FOXN3: variants seen among roughly 807,000 people sequenced by gnomAD.
The protein encoded by FOXN3 is forkhead box N3, also known as forkhead box protein N3.
Under a neutral mutation model 38.4 loss-of-function variants are expected in FOXN3, and 7 were observed. The ratio of observed to expected loss-of-function variants is 0.18; its 90% confidence interval spans 0.10 to 0.34. FOXN3 has a LOEUF of 0.34. Among genes scored for constraint, FOXN3 ranks in the 10% least tolerant of loss-of-function variants. FOXN3 has a pLI of 1.00. For synonymous variants in FOXN3, 230 were observed against 242.2 expected (o/e 0.95, Z 0.47); for missense variants, 456 against 613.4 (o/e 0.74, Z 2.71).
chr14:89,439,564 CT>C (rs947466095), intron 1 of FOXN3, among the ~76,000 whole-genome samples: 2 of 151,970 alleles, frequency 1.3e-5, no homozygotes, highest in Non-Finnish European at 2.9e-5. Flanking sequence ...TAATCCACAT[CT>C]TGTTTAGCAT....
rs183168043 is a variant in FOXN3 at position 89,515,919 on chromosome 14, C to T, written c.-15+103109G>A. 2.3e-3 allele frequency among the ~76,000 whole-genome samples: 357 copies of T among 152,280 alleles called. 2 individuals carry two copies. Among genetic ancestry groups the T allele is most frequent in the African/African-American group, 8.3e-3 (345 of 41,550 alleles). On this transcript the variant is annotated intron_variant, in intron 1 of 6. Coordinates refer to the FOXN3 transcript ENST00000345097. ...AGCATGTAAAGTACCATCATTGTGACGGTGTGGTTGCCTCTGGAACCCAGG... is the reference window on the plus strand; with the variant it reads ...AGCATGTAAAGTACCATCATTGTGATGGTGTGGTTGCCTCTGGAACCCAGG...
intron 3 of FOXN3, among the ~76,000 whole-genome samples, chr14:89,343,531 T>C (rs1389230491): frequency 6.7e-6 from 1 of 149,928 alleles, no homozygotes; most frequent in African/African-American, 2.4e-5. Context: ...GGCAGGATAA[T>C]AGAACTTGCT....
At chr14:89,236,893 A>G (rs745588026) in intron 4 of FOXN3, among the ~76,000 whole-genome samples, 9 of 152,192 alleles carry the variant, frequency 5.9e-5, no homozygotes, top group Non-Finnish European at 1.3e-4. Flanking sequence ...AATTCCAGCC[A>G]CATGTACCCC....
At chr14:89,357,166 T>A (rs1986283) in intron 2 of FOXN3, among the ~76,000 whole-genome samples, 2,891 of 151,782 alleles carry the variant, frequency 0.019, 99 homozygotes, top group African/African-American at 0.066. Flanking sequence ...GCCTGGGCAA[T>A]ACAGTGAGAC....
At chr14:89,244,956 G>GA (rs1249756851) in intron 4 of FOXN3, among the ~76,000 whole-genome samples, 4 of 152,166 alleles carry the variant, frequency 2.6e-5, no homozygotes, top group African/African-American at 9.7e-5. Context: ...AATGAATGAA[G>GA]AAGAAAGTCC....
chr14:89,287,755 A>T (rs1886677061), intron 3 of FOXN3, among the ~76,000 whole-genome samples: 1 of 34,364 alleles, frequency 2.9e-5, no homozygotes, highest in South Asian at 8.8e-4. Flanking sequence ...ATGCTAAAAA[A>T]AAAAAAAAAA....
At chr14:89,230,727 G>A (rs1199962418) in intron 4 of FOXN3, 4 of 337,206 alleles carry the variant, frequency 1.2e-5, no homozygotes, top group Admixed American at 6.5e-5. Context: ...CTACGCACAC[G>A]ACAGGCGCCA....
At chr14:89,303,597 G>C (rs1236985150) in intron 3 of FOXN3, among the ~76,000 whole-genome samples, 1 of 151,908 alleles carries the variant, frequency 6.6e-6, no homozygotes, top group Non-Finnish European at 1.5e-5. Context: ...GAAAGGAAAA[G>C]TCACTTAATG....
chr14:89,258,863 C>T (rs1190417472), intron 4 of FOXN3, among the ~76,000 whole-genome samples: 1 of 152,230 alleles, frequency 6.6e-6, no homozygotes, highest in Non-Finnish European at 1.5e-5. Context: ...CATTCGTCCA[C>T]ACCCTCTTTC....
At chr14:89,406,209 A>G (rs1272496254) in intron 2 of FOXN3, among the ~76,000 whole-genome samples, 1 of 151,862 alleles carries the variant, frequency 6.6e-6, no homozygotes, top group Admixed American at 6.6e-5. Flanking sequence ...GGCCTCCCAA[A>G]GTGCTGGAAT....
At chr14:89,560,280 G>A (rs1009961582) in intron 1 of FOXN3, among the ~76,000 whole-genome samples, 7 of 152,190 alleles carry the variant, frequency 4.6e-5, no homozygotes, top group African/African-American at 1.7e-4. Flanking sequence ...GGGGATTACA[G>A]TTCAACATGA....
At chr14:89,214,439 TG>T (rs1884198660) in intron 4 of FOXN3, among the ~76,000 whole-genome samples, 1 of 152,222 alleles carries the variant, frequency 6.6e-6, no homozygotes, top group African/African-American at 2.4e-5. Context: ...TTTGCTCCGC[TG>T]CCCCGACAAC....
At chr14:89,506,031 A>T (rs1416116456) in intron 1 of FOXN3, among the ~76,000 whole-genome samples, 1 of 145,644 alleles carries the variant, frequency 6.9e-6, no homozygotes, top group Non-Finnish European at 1.5e-5. Flanking sequence ...GGTGGGGGTC[A>T]GCCCCCGGCC....
intron 4 of FOXN3, among the ~76,000 whole-genome samples, chr14:89,243,018 C>G (rs930193178): frequency 6.6e-6 from 1 of 152,276 alleles, no homozygotes. Context: ...GTCCTGCCCC[C>G]TGATGGGAGA....
chr14:89,158,381 T>C lies in FOXN3; in HGVS notation c.*4033A>G, dbSNP rs751006872. On this transcript the variant is annotated 3_prime_UTR_variant, in exon 6 of 6. Transcript: ENST00000557258. ...CTGTGGCCAGCAAGCACTAGACACA[T>C]TGAATGCCTCTGCAAAACAAAAGAA... The C allele has an allele frequency of 9.8e-5, 15 of 152,412 alleles. No individual in the cohort carries two copies. The highest frequency in any genetic ancestry group is 2.7e-4 in the African/African-American group (11 of 41,474). 9.4% of individuals were successfully genotyped at this position (152,412 alleles called of 1,614,324 possible). A position where few individuals can be genotyped will look rare whatever the true frequency, so the allele number is the denominator to read the frequency against.
intron 1 of FOXN3, among the ~76,000 whole-genome samples, chr14:89,416,343 C>G (rs1188337893): frequency 6.6e-6 from 1 of 152,198 alleles, no homozygotes; most frequent in Non-Finnish European, 1.5e-5. Flanking sequence ...TTGGCCGCAC[C>G]GCGGCGAGCC....
chr14:89,327,296 C>T (rs527886483), intron 3 of FOXN3, among the ~76,000 whole-genome samples: 18 of 152,164 alleles, frequency 1.2e-4, no homozygotes, highest in Non-Finnish European at 1.9e-4. Flanking sequence ...ATGTGCTTAA[C>T]GACTACAGAT....
At chr14:89,612,368 C>A (rs1030624198) in intron 1 of FOXN3, among the ~76,000 whole-genome samples, 3 of 152,112 alleles carry the variant, frequency 2.0e-5, no homozygotes, top group African/African-American at 7.2e-5. Context: ...AATGCTGAAT[C>A]TAGTCACAAG....
intron 1 of FOXN3, among the ~76,000 whole-genome samples, chr14:89,615,841 G>A (rs1287435100): frequency 6.6e-6 from 1 of 152,098 alleles, no homozygotes; most frequent in Admixed American, 6.5e-5. Flanking sequence ...CATACATGCA[G>A]AATATTAAAC....
Sources: gnomAD v4.1 joint callset for allele counts (sites outside exome capture counted in the v4.1 genomes callset) on GRCh38, gnomAD v4.1.1 for gene constraint, MANE v1.5 for transcripts, NCBI Gene and HGNC (gene_info 2026-07-23, HGNC 2026-07-21) for gene names.